ESPN: variants seen among roughly 807,000 people sequenced by gnomAD.
ESPN encodes autosomal recessive deafness type 36 protein.
In ESPN, 68 loss-of-function variants were observed where a neutral mutation model predicts 77.7. The ratio of observed to expected loss-of-function variants is 0.87; its 90% confidence interval spans 0.72 to 1.07. The LOEUF is 1.07. Ranked by LOEUF, ESPN falls within the 50% of genes least tolerant of loss-of-function variation. ESPN has a pLI of 0.00. For synonymous variants in ESPN, 449 were observed against 567.1 expected, an observed-to-expected ratio of 0.79 and a Z score of 2.96; for missense variants, 1,060 against 1,239.0, an observed-to-expected ratio of 0.86 and a Z score of 2.17.
chr1:6,449,978 C>T (rs1643916985), intron 8 of ESPN, among the ~76,000 whole-genome samples: 1 of 152,166 alleles, frequency 6.6e-6, no homozygotes, highest in Non-Finnish European at 1.5e-5. Flanking sequence ...GCTAGTCCCC[C>T]TACGGTTCCT....
At chr1:6,431,628 CAAAAAAAAAA>C (rs760363517) in intron 2 of ESPN, among the ~76,000 whole-genome samples, 43 of 61,780 alleles carry the variant, frequency 7.0e-4, no homozygotes, top group South Asian at 2.5e-3. Context: ...AAGATTCTGT[CAAAAAAAAAA>C]AAAAAAAAAA....
intron 6 of ESPN, among the ~76,000 whole-genome samples, chr1:6,445,241 A>G (rs1056018020): frequency 1.3e-5 from 2 of 152,232 alleles, no homozygotes; most frequent in Non-Finnish European, 2.9e-5. Context: ...TTGTGTGTAC[A>G]CACACCCTGA....
rs1045493610 is a variant in ESPN at position 6,447,622 on chromosome 1, A to G, written c.1465-1019A>G. Among the ~76,000 whole-genome samples, 2 of 152,080 alleles carry G rather than the reference A, an allele frequency of 1.3e-5. No individual in the cohort carries two copies. The highest frequency in any genetic ancestry group is 2.9e-5 in the Non-Finnish European group (2 of 68,036). The stretch of plus-strand genomic sequence containing the variant: ...GGCAGCTGCGATGGGGTGGGAAGCC[A>G]CGCTGTCACCCGACCCCGCCTTACG... On this transcript the variant is annotated intron_variant, in intron 7 of 12. Transcript: ENST00000645284. This position sits in a 1 kb window ranked among gnomAD's most constrained non-coding sequence, Gnocchi z 5.2.
chr1:6,440,190 G>A, intron 2 of ESPN, 64 bp from the exon 3 acceptor site: 1 of 1,504,982 alleles, frequency 6.6e-7, no homozygotes. Context: ...GGATGGGGGC[G>A]GGTAAGAAGG....
Position 6,448,634 on chromosome 1 carries a change from C to T in ESPN, c.1465-7C>T. On this transcript the variant is annotated splice_polypyrimidine_tract_variant and splice_region_variant and intron_variant, in intron 7 of 12. Transcript: ENST00000645284. ...CCCGAGCCCCACCGGTCACTGTCTT[C>T]CCGCAGCTGAGCTCCTGTGACGGCC... 6.4e-7 allele frequency: 1 copy of T among 1,558,436 alleles called. No individual in the cohort carries two copies.
At position 6,451,569 on chromosome 1, in the gene ESPN, C is replaced by T. The variant is rs1464555380; in HGVS notation, c.1916-34C>T. Reference sequence around the variant, plus strand: ...AGGGGTGGCGGGGATGCAGCCCCACCCTGGCCAGTGCCTCATCTCCTGCCT... The same window carrying T: ...AGGGGTGGCGGGGATGCAGCCCCACTCTGGCCAGTGCCTCATCTCCTGCCT... On this transcript the variant is annotated intron_variant, in intron 8 of 12. Transcript: ENST00000645284. This position sits in a 1 kb window ranked among gnomAD's most constrained non-coding sequence, Gnocchi z 4.3. 1 of 1,605,978 alleles carries T rather than the reference C, an allele frequency of 6.2e-7. No individual in the cohort carries two copies. The highest frequency in any genetic ancestry group is 2.2e-5 in the East Asian group (1 of 44,652).
intron 1 of ESPN, among the ~76,000 whole-genome samples, chr1:6,425,926 T>C (rs776260261): frequency 7.2e-5 from 11 of 152,116 alleles, no homozygotes; most frequent in Admixed American, 1.3e-4. Flanking sequence ...GAACAAGAAG[T>C]GCAGAGCCCT....
Position 6,460,082 on chromosome 1 carries a change from A to G in ESPN, c.2501A>G (p.Glu834Gly). ...AAGCTGCGGACGCTGGGCTACGATG[A>G]GAGCAAGCTGGCGCCCTGGCAGCGA... ...SEKLRTLGYD[E>G]SKLAPWQRQV... The change falls in exon 13 of 13, where the codon GAG (glutamate) becomes GGG (glycine). Residue 834 changes from glutamate to glycine, a missense_variant. By Grantham distance (98) the Glu-to-Gly change is moderately conservative (BLOSUM62 -2). Coordinates refer to ENST00000645284, the MANE Select transcript of ESPN (RefSeq NM_031475.3). The G allele has an allele frequency of 6.2e-7, 1 of 1,613,486 alleles. No individual in the cohort carries two copies. Among genetic ancestry groups the G allele is most frequent in the Non-Finnish European group, 8.5e-7 (1 of 1,180,030 alleles).
rs555637562 is a variant in ESPN at position 6,460,138 on chromosome 1, A to G, written c.2557A>G (p.Lys853Glu). Residue 853 changes from lysine to glutamate, a missense_variant, in exon 13 of 13, where the codon AAG becomes GAG. Lys to Glu is a moderately conservative substitution (Grantham distance 56, BLOSUM62 1). Coordinates refer to ENST00000645284, the MANE Select transcript of ESPN (RefSeq NM_031475.3). The part of the protein sequence containing the change: ...QVILKKGDIA[K>E]Y ...CATCCTGAAGAAGGGGGACATCGCT[A>G]AGTACTAGAGGCCGCAGACTCCTGT... is the stretch of plus-strand genomic sequence containing the variant. The G allele has an allele frequency of 5.0e-6, 8 of 1,612,044 alleles. No homozygotes were observed. The East Asian group carries it at 1.8e-4, about 36-fold the overall frequency.
chr1:6,456,361 C>T, intron 10 of ESPN: 1 of 383,918 alleles, frequency 2.6e-6, no homozygotes, highest in Non-Finnish European at 4.6e-6. Flanking sequence ...TCTGAGGTCC[C>T]ATCGTGGCGG....
chr1:6,434,224 C>T (rs1012117509), intron 2 of ESPN, among the ~76,000 whole-genome samples: 2 of 152,162 alleles, frequency 1.3e-5, no homozygotes, highest in Non-Finnish European at 2.9e-5. Context: ...CTATGGTTGC[C>T]TGGCTTTGCG....
At chr1:6,461,246 C>T, downstream of ESPN, 10 of 774,356 alleles carry the variant, frequency 1.3e-5, no homozygotes, top group South Asian at 1.3e-4. This position sits in a 1 kb window ranked among gnomAD's most constrained non-coding sequence, Gnocchi z 6.3. Context: ...CCCCTCTCGA[C>T]ATTCGTTCGT....
chr1:6,461,248 T>G (rs1644162529), downstream of ESPN: 3 of 778,992 alleles, frequency 3.9e-6, no homozygotes, highest in Non-Finnish European at 6.8e-6. This position sits in a 1 kb window ranked among gnomAD's most constrained non-coding sequence, Gnocchi z 6.3. Context: ...CCTCTCGACA[T>G]TCGTTCGTGC....
chr1:6,456,042 C>T (rs1644051830), intron 10 of ESPN: 2 of 397,058 alleles, frequency 5.0e-6, no homozygotes, highest in African/African-American at 4.1e-5. Flanking sequence ...CGCGCCTCCC[C>T]CGACCTCAGA....
chr1:6,430,724 T>C (rs1438885947), intron 2 of ESPN, among the ~76,000 whole-genome samples: 2 of 151,754 alleles, frequency 1.3e-5, no homozygotes, highest in Non-Finnish European at 2.9e-5. Flanking sequence ...TGAGCCAAGA[T>C]TGAGCCATTG....
rs1361940507 is a variant in ESPN, at chr1:6,455,959, C to CG, written c.2326-1220dup. 4 of 398,684 alleles carry CG rather than the reference C, an allele frequency of 1.0e-5. No individual in the cohort carries two copies. The East Asian group carries it at 1.4e-4, about 14-fold the overall frequency. 24.7% of individuals were successfully genotyped at this position (398,684 alleles called of 1,614,324 possible). On this transcript the variant is annotated intron_variant, in intron 10 of 12. Transcript: ENST00000645284. The stretch of plus-strand genomic sequence containing the variant: ...ACCGAAGAGGCTGCTCCATTTCAGA[C>CG]GGGGGACCCGCCTGAGGGGCAGCCC...
chr1:6,452,904 A>ATTTTTTAT (rs141387813), intron 10 of ESPN, among the ~76,000 whole-genome samples: 14 of 150,978 alleles, frequency 9.3e-5, no homozygotes, highest in African/African-American at 3.4e-4. Context: ...TTTATTTTTT[A>ATTTTTTAT]TTTTTTGAGA....
intron 10 of ESPN, chr1:6,455,805 G>A: frequency 2.5e-6 from 1 of 398,970 alleles, no homozygotes; most frequent in Non-Finnish European, 4.4e-6. Flanking sequence ...GGTGGAGGCC[G>A]GCCGGCGCGG....
rs765182063 is a variant in ESPN, at chr1:6,451,647, G to A, written c.1960G>A (p.Glu654Lys). 3.1e-6 allele frequency: 5 copies of A among 1,613,296 alleles called. No homozygotes were observed. The highest frequency in any genetic ancestry group is 3.4e-6 in the Non-Finnish European group (4 of 1,179,954). The change falls in exon 9 of 13, where the codon GAG becomes AAG. Residue 654 changes from glutamate (E) to lysine (K), a missense_variant. Physicochemically the swap from Glu to Lys is moderately conservative, Grantham distance 56. Coordinates refer to ENST00000645284, the MANE Select transcript of ESPN (RefSeq NM_031475.3). This position sits in a 1 kb window ranked among gnomAD's most constrained non-coding sequence, Gnocchi z 4.3. ...NMMSPTGDNSELLAEIKAGKS... is the reference protein window; with the variant it reads ...NMMSPTGDNSKLLAEIKAGKS... ...GATGTCCCCGACGGGCGACAACTCG[G>A]AGCTACTGGCTGAGATTAAGGCAGG...
Sources: gnomAD v4.1 joint callset for allele counts (sites outside exome capture counted in the v4.1 genomes callset) on GRCh38, gnomAD v4.1.1 for gene constraint, Gnocchi (gnomAD v3.1) non-coding constraint, MANE v1.5 for transcripts, NCBI Gene and HGNC (gene_info 2026-07-23, HGNC 2026-07-21) for gene names.